LINC00305: variants seen among roughly 807,000 people sequenced by gnomAD.
LINC00305 encodes long independently transcribed non-coding RNA 305, also known as long intergenic non-protein coding RNA 305.
intron 1 of LINC00305, among the ~76,000 whole-genome samples, chr18:64,100,472 T>A (rs897722013): frequency 6.6e-6 from 1 of 152,130 alleles, no homozygotes; most frequent in African/African-American, 2.4e-5. Context: ...CTCGAAGCAG[T>A]CAGGGCCAGG....
chr18:64,147,500 A>G (rs934013228), intron 1 of LINC00305: 5 of 152,226 alleles, frequency 3.3e-5, no homozygotes, highest in African/African-American at 1.2e-4. Context: ...CTCAAAATTT[A>G]CTGATTTGTA....
chr18:64,127,642 A>G (rs17785711), intron 1 of LINC00305, among the ~76,000 whole-genome samples: 6,201 of 152,176 alleles, frequency 0.041, 200 homozygotes, highest in Non-Finnish European at 0.06. Flanking sequence ...TATGCCTGGA[A>G]TCAGCCTCAG....
chr18:64,098,520 G>A, intron 2 of LINC00305: 4 of 436,010 alleles, frequency 9.2e-6, no homozygotes, highest in South Asian at 6.8e-5. Context: ...TATAAATAGG[G>A]TTAATTTTTT....
chr18:64,143,847 C>T (rs769505666), intron 1 of LINC00305, among the ~76,000 whole-genome samples: 9 of 114,344 alleles, frequency 7.9e-5, no homozygotes, highest in South Asian at 4.9e-4. Flanking sequence ...TGTATGTATA[C>T]ATACATACAT....
intron 3 of LINC00305, among the ~76,000 whole-genome samples, chr18:64,085,161 C>T (rs2051198693): frequency 6.6e-6 from 1 of 152,204 alleles, no homozygotes; most frequent in South Asian, 2.1e-4. Context: ...CCTTAAGCTT[C>T]CCCAATCAAG....
chr18:64,138,133 A>G (rs896251326), intron 1 of LINC00305, among the ~76,000 whole-genome samples: 3 of 152,206 alleles, frequency 2.0e-5, no homozygotes, highest in African/African-American at 7.2e-5. Flanking sequence ...ATTATTAGCT[A>G]TGGAGAAGGC....
intron 1 of LINC00305, among the ~76,000 whole-genome samples, chr18:64,115,491 G>T (rs2144253730): frequency 6.6e-6 from 1 of 152,196 alleles, no homozygotes. Flanking sequence ...GCTTATGGGG[G>T]TAAGGTAGGA....
At chr18:64,110,901 C>T (rs2051312218) in intron 1 of LINC00305, among the ~76,000 whole-genome samples, 2 of 152,158 alleles carry the variant, frequency 1.3e-5, no homozygotes, top group Admixed American at 6.5e-5. Context: ...CTAATGACCT[C>T]GCAGCAGGAA....
chr18:64,106,974 T>A (rs1000325367), intron 1 of LINC00305, among the ~76,000 whole-genome samples: 11 of 150,582 alleles, frequency 7.3e-5, no homozygotes, highest in Non-Finnish European at 1.6e-4. Flanking sequence ...TGTTTACAGA[T>A]ATGACATTTT....
At chr18:64,093,061 T>C (rs1027926798) in intron 3 of LINC00305, among the ~76,000 whole-genome samples, 2 of 152,182 alleles carry the variant, frequency 1.3e-5, no homozygotes, top group African/African-American at 4.8e-5. Context: ...GGAAAATATA[T>C]TTTGCATGTC....
chr18:64,120,599 A>G (rs1431481530), intron 1 of LINC00305, among the ~76,000 whole-genome samples: 1 of 152,090 alleles, frequency 6.6e-6, no homozygotes, highest in Non-Finnish European at 1.5e-5. Flanking sequence ...CAGATGCTCA[A>G]GGAGAGCCAG....
At chr18:64,105,934 T>C (rs1483322847) in intron 1 of LINC00305, among the ~76,000 whole-genome samples, 1 of 152,224 alleles carries the variant, frequency 6.6e-6, no homozygotes, top group Non-Finnish European at 1.5e-5. Flanking sequence ...AGAAAGGCTT[T>C]TATCCCTGTG....
At chr18:64,095,272 G>A (rs1304405046) in intron 3 of LINC00305, among the ~76,000 whole-genome samples, 1 of 152,144 alleles carries the variant, frequency 6.6e-6, no homozygotes, top group Non-Finnish European at 1.5e-5. Context: ...CCTCTCTCAA[G>A]GATGTGTAAA....
At chr18:64,142,772 C>A (rs561857697) in intron 1 of LINC00305, among the ~76,000 whole-genome samples, 2 of 152,134 alleles carry the variant, frequency 1.3e-5, no homozygotes, top group South Asian at 2.1e-4. Flanking sequence ...ACCCCAGGAA[C>A]CTTCTCCATG....
intron 1 of LINC00305, among the ~76,000 whole-genome samples, chr18:64,129,331 T>G (rs959809723): frequency 6.6e-6 from 1 of 152,152 alleles, no homozygotes. Context: ...AAAATTGTAT[T>G]CTTTTTAATA....
intron 1 of LINC00305, among the ~76,000 whole-genome samples, chr18:64,116,868 A>G (rs2051340062): frequency 6.6e-6 from 1 of 152,192 alleles, no homozygotes; most frequent in Admixed American, 6.5e-5. Context: ...CGGGCCTTCC[A>G]TGGAAATGAG....
At position 64,093,799 on chromosome 18, in the gene LINC00305, C is replaced by T. The variant is rs1055640243; in HGVS notation, n.540+4035G>A. Among the ~76,000 whole-genome samples the T allele has an allele frequency of 1.3e-5, 2 of 152,172 alleles. 1 individual carries two copies. Among genetic ancestry groups the T allele is most frequent in the Non-Finnish European group, 2.9e-5 (2 of 68,046 alleles). On this transcript the variant is annotated intron_variant and non_coding_transcript_variant, in intron 3 of 3. Coordinates refer to ENST00000666468, the Ensembl canonical transcript of LINC00305. ...TAGAGCATATGTTGACCTTGAGCAG[C>T]ATAGCCACCCATCCCTGTTTATAAG...
At chr18:64,143,559 TAC>T (rs2051476038) in intron 1 of LINC00305, among the ~76,000 whole-genome samples, 1 of 18,426 alleles carries the variant, frequency 5.4e-5, no homozygotes, top group Non-Finnish European at 1.1e-4. Flanking sequence ...ATATTATGTG[TAC>T]ATATATACAC....
chr18:64,142,105 G>T (rs1370156189), intron 1 of LINC00305, among the ~76,000 whole-genome samples: 1 of 152,166 alleles, frequency 6.6e-6, no homozygotes, highest in African/African-American at 2.4e-5. Flanking sequence ...CTGTCTATGT[G>T]CACTGGTGAG....
Sources: allele counts gnomAD v4.1 joint callset (sites outside exome capture counted in the v4.1 genomes callset), GRCh38; gene constraint gnomAD v4.1.1; transcripts MANE v1.5; gene names NCBI Gene and HGNC (gene_info 2026-07-23, HGNC 2026-07-21).